Variants in DNAAF2 observed in about 807,000 individuals in gnomAD.
DNAAF2 encodes the protein dynein axonemal assembly factor 2.
DNAAF2 carries 58 observed loss-of-function variants against 48.8 expected under a neutral mutation model. That is an observed-to-expected ratio of 1.19 (90% confidence interval 0.96 to 1.48). The LOEUF is 1.48. Ranked by LOEUF, DNAAF2 falls within the 40% of genes most tolerant of loss-of-function variation. The pLI, the probability that DNAAF2 is intolerant of heterozygous loss-of-function variation, is 0.00. For synonymous variants in DNAAF2, 567 were observed against 481.2 expected, an observed-to-expected ratio of 1.18 and a Z score of -2.33; for missense variants, 1,241 against 1,116.1, an observed-to-expected ratio of 1.11 and a Z score of -1.59.
chr14:49,630,669 C>CACACACACACACACACA (rs1555327684), intron 1 of DNAAF2, among the ~76,000 whole-genome samples: 5 of 132,486 alleles, frequency 3.8e-5, no homozygotes, highest in Non-Finnish European at 7.9e-5. Context: ...AACTCTCTCT[C>CACACACACACACACACA]CACACACACA....
rs917500763 is a variant in DNAAF2, at chr14:49,633,467, G to A, written c.1683C>T (p.Phe561=). The A allele has an allele frequency of 6.2e-7, 1 of 1,614,074 alleles. No homozygotes were observed. Among genetic ancestry groups the A allele is most frequent in the Non-Finnish European group, 8.5e-7 (1 of 1,179,902 alleles). The part of the protein sequence containing the change: ...DLNPLWYKLR[F]SAQDLVYSFF... ...AGGAATAAACTAAGTCTTGTGCGGA[G>A]AAGCGTAATTTGTACCAGAGGGGAT... The change falls in exon 1 of 3, where the codon TTC becomes TTT. Residue 561 remains phenylalanine, a synonymous_variant. Transcript: ENST00000298292.
At chr14:49,626,781 G>A (rs368540832) in intron 2 of DNAAF2, among the ~76,000 whole-genome samples, 6 of 132,488 alleles carry the variant, frequency 4.5e-5, no homozygotes, top group South Asian at 2.4e-4. Flanking sequence ...GAGCCATCAC[G>A]ACTAGTCTGC....
In DNAAF2 at chr14:49,625,734, TACTG is replaced by T. The variant is rs1446229004; in HGVS notation, c.2318_2321del (p.Ser773Ter). The T allele has an allele frequency of 6.2e-7, 1 of 1,613,436 alleles. No individual in the cohort carries two copies. The highest frequency in any genetic ancestry group is 8.5e-7 in the Non-Finnish European group (1 of 1,179,614). ...CATCTGTTTCTTTCTCTTCAGTTAT[TACTG>T]ACTCGTTTAAGTTATCTTTTTCCTC... On this transcript the variant is annotated frameshift_variant, in exon 3 of 3. Transcript: ENST00000298292. LOFTEE classifies it high-confidence loss of function.
At chr14:49,628,189 T>A (rs1351857804) in intron 1 of DNAAF2, 34 bp from the exon 2 acceptor site, 2 of 1,535,906 alleles carry the variant, frequency 1.3e-6, no homozygotes, top group Admixed American at 3.9e-5. Context: ...TTCTGCCTAA[T>A]AAGTCCCACT....
intron 1 of DNAAF2, 21 bp from the exon 2 acceptor site, chr14:49,628,176 A>G (rs1166073210): frequency 5.8e-6 from 9 of 1,556,398 alleles, no homozygotes; most frequent in Non-Finnish European, 7.8e-6. Context: ...AAGGGAAAAA[A>G]TATTCTGCCT....
At position 49,626,132 on chromosome 14, in the gene DNAAF2, A is replaced by C. The variant is rs540554512; in HGVS notation, c.2008-84T>G. 1.6e-4 allele frequency: 185 copies of C among 1,191,260 alleles called. No homozygotes were observed. The African/African-American group carries it at 2.4e-3, about 15-fold the overall frequency. The allele number at this position is 1,191,260 out of a possible 1,614,324, so 73.8% of individuals were successfully genotyped here. ...ACTACCCTCTGGAAATAAAATTTTT[A>C]ACAGTTGTGAGGTAATAGCCCTTAC... On this transcript the variant is annotated intron_variant, in intron 2 of 2. Transcript: ENST00000298292.
intron 1 of DNAAF2, among the ~76,000 whole-genome samples, chr14:49,631,954 C>T (rs1431330116): frequency 2.0e-5 from 3 of 152,114 alleles, no homozygotes; most frequent in Non-Finnish European, 2.9e-5. Flanking sequence ...TGCTGTTGTT[C>T]CATCAGCTTT....
chr14:49,633,535 G>A lies in DNAAF2; in HGVS notation c.1615C>T (p.Gln539Ter). 6 of 1,614,048 alleles carry A rather than the reference G, an allele frequency of 3.7e-6. No homozygotes were observed. The highest frequency in any genetic ancestry group is 4.2e-6 in the Non-Finnish European group (5 of 1,179,900). ...CTTTGCGGCTGGATCCGAGGCACCTGAATGAGCAGAGTCAAGGTTTCTTTG... is the reference window on the plus strand; with the variant it reads ...CTTTGCGGCTGGATCCGAGGCACCTAAATGAGCAGAGTCAAGGTTTCTTTG... ...QDKETLTLLI[Q>*]VPRIQPQSLQ... Residue 539 changes from glutamine (Q) to a stop codon, truncating the protein, a stop_gained, in exon 1 of 3, where the codon CAG becomes TAG. Coordinates refer to ENST00000298292, the MANE Select transcript of DNAAF2 (RefSeq NM_018139.3). LOFTEE classifies it high-confidence loss of function.
At chr14:49,630,001 G>A (rs1375619146) in intron 1 of DNAAF2, 1 of 152,132 alleles carries the variant, frequency 6.6e-6, no homozygotes, top group African/African-American at 2.4e-5. Context: ...GGAGGCCAAG[G>A]CAGGTGGATT....
chr14:49,627,862 A>G, intron 2 of DNAAF2, 150 bp downstream of exon 2: 4 of 846,638 alleles, frequency 4.7e-6, no homozygotes, highest in Non-Finnish European at 6.8e-6. Flanking sequence ...CTCAAAAAAA[A>G]AAAAAAGAAA....
At chr14:49,628,340 G>A (rs936234734) in intron 1 of DNAAF2, among the ~76,000 whole-genome samples, 185 bp from the exon 2 acceptor site, 1 of 152,142 alleles carries the variant, frequency 6.6e-6, no homozygotes, top group South Asian at 2.1e-4. Context: ...AGCAATAAGA[G>A]TTGTACTGAG....
rs543833643 is a variant in DNAAF2 at position 49,625,956 on chromosome 14, A to G, written c.2100T>C (p.His700=). Residue 700 remains histidine (H), a synonymous_variant, in exon 3 of 3, where the codon CAT becomes CAC. Transcript: ENST00000298292. ...CAGAATCAGTTGTAGGGGTGTTACA[A>G]TGTTCTATATATTCCTTTTCAGTTA... ...SHLTEKEYIE[H]CNTPTTDSDS... is the part of the protein sequence containing the mutation. The G allele has an allele frequency of 6.2e-7, 1 of 1,610,950 alleles. No homozygotes were observed. Among genetic ancestry groups the G allele is most frequent in the African/African-American group, 1.3e-5 (1 of 74,946 alleles).
In DNAAF2 at chr14:49,633,922, A is replaced by C. The variant is rs746189091; in HGVS notation, c.1228T>G (p.Ser410Ala). Residue 410 changes from serine (S) to alanine (A), a missense_variant, in exon 1 of 3, where the codon TCC becomes GCC. Ser to Ala is a moderately conservative substitution (Grantham distance 99). Coordinates refer to ENST00000298292, the MANE Select transcript of DNAAF2 (RefSeq NM_018139.3). ...GGGTCGCCCAGGGTGGTGACCCCGG[A>C]GCCCGCAGCCCCAGCCACGCAGGTA... is the stretch of plus-strand genomic sequence containing the variant. ...HDTCVAGAAG[S>A]GVTTLGDPEV... 1 of 1,531,390 alleles carries C rather than the reference A, an allele frequency of 6.5e-7. No individual in the cohort carries two copies. The highest frequency in any genetic ancestry group is 2.5e-5 in the East Asian group (1 of 40,754). 94.9% of individuals were successfully genotyped at this position (1,531,390 alleles called of 1,614,324 possible).
intron 1 of DNAAF2, chr14:49,629,989 T>C (rs190000942): frequency 6.6e-6 from 1 of 152,186 alleles, no homozygotes; most frequent in East Asian, 1.9e-4. Flanking sequence ...TCCAGCACTT[T>C]AGGAGGCCAA....
In DNAAF2 at chr14:49,634,923, T is replaced by G. The variant is rs1883301063; in HGVS notation, c.227A>C (p.His76Pro). 6.4e-7 allele frequency: 1 copy of G among 1,553,558 alleles called. No homozygotes were observed. The highest frequency in any genetic ancestry group is 8.7e-7 in the Non-Finnish European group (1 of 1,148,440). The change falls in exon 1 of 3, where the codon CAT (histidine) becomes CCT (proline). Residue 76 changes from histidine (H) to proline (P), a missense_variant. Physicochemically the swap from His to Pro is moderately conservative, Grantham distance 77. Coordinates refer to ENST00000298292, the MANE Select transcript of DNAAF2 (RefSeq NM_018139.3). ...CCCGTCCAGGCTGGTGCGCAGCACATGGCCGGGCTCCGGGTGCACGAACCG... is the reference window on the plus strand; with the variant it reads ...CCCGTCCAGGCTGGTGCGCAGCACAGGGCCGGGCTCCGGGTGCACGAACCG... ...EVRFVHPEPGHVLRTSLDGAR... is the reference protein window; with the variant it reads ...EVRFVHPEPGPVLRTSLDGAR...
Position 49,634,193 on chromosome 14 carries a change from C to CAGTGACGGGAG in DNAAF2, c.956_957insCTCCCGTCACT (p.Leu320SerfsTer125), listed in dbSNP as rs1883261282. ...CGTCCACTGGGTACGGGAGCGAGAGCCGCAGCCGGTAGTCAGGTTTCCTCG... is the reference window on the plus strand; with the variant it reads ...CGTCCACTGGGTACGGGAGCGAGAGCAGTGACGGGAGCGCAGCCGGTAGTCAGGTTTCCTCG... On this transcript the variant is annotated frameshift_variant, in exon 1 of 3. Transcript: ENST00000298292. LOFTEE classifies it high-confidence loss of function. 6.2e-7 allele frequency: 1 copy of CAGTGACGGGAG among 1,611,114 alleles called. No homozygotes were observed. Among genetic ancestry groups the CAGTGACGGGAG allele is most frequent in the African/African-American group, 1.3e-5 (1 of 75,044 alleles).
In DNAAF2 at chr14:49,633,668, T is replaced by C. The variant is rs2985687; in HGVS notation, c.1482A>G (p.Thr494=). The C allele has an allele frequency of 0.71, 1,148,465 of 1,610,450 alleles. 423,723 individuals carry two copies. Among genetic ancestry groups the C allele is most frequent in the Non-Finnish European group, 0.77 (902,495 of 1,177,892 alleles). The change falls in exon 1 of 3, where the codon ACA becomes ACG. Residue 494 remains threonine (T), a synonymous_variant. Coordinates refer to ENST00000298292, the MANE Select transcript of DNAAF2 (RefSeq NM_018139.3). Reference sequence around the variant, plus strand: ...CGCCCGTGCCCTCCGACTCCTCGCGTGTTTCCACACTGCTATCTCCGCGCG... The same window carrying C: ...CGCCCGTGCCCTCCGACTCCTCGCGCGTTTCCACACTGCTATCTCCGCGCG... The part of the protein sequence containing the change: ...ESARGDSSVE[T]REESEGTGGQ...
chr14:49,633,800 G>C lies in DNAAF2; in HGVS notation c.1350C>G (p.Ser450Arg). 6.3e-7 allele frequency: 1 copy of C among 1,589,400 alleles called. No individual in the cohort carries two copies. Among genetic ancestry groups the C allele is most frequent in the Non-Finnish European group, 8.5e-7 (1 of 1,174,772 alleles). ...LSRHAGSPPG[S>R]VEEPSPGGEN... ...CTCCTCCAGGAGATGGCTCCTCCAC[G>C]CTGCCCGGCGGTGACCCCGCGTGCC... is the stretch of plus-strand genomic sequence containing the variant. The change falls in exon 1 of 3, where the codon AGC becomes AGG. Residue 450 changes from serine to arginine, a missense_variant. By Grantham distance (110) the Ser-to-Arg change is moderately radical. Coordinates refer to ENST00000298292, the MANE Select transcript of DNAAF2 (RefSeq NM_018139.3).
At chr14:49,628,180 T>A in intron 1 of DNAAF2, 25 bp from the exon 2 acceptor site, 1 of 1,555,050 alleles carries the variant, frequency 6.4e-7, no homozygotes. Flanking sequence ...GAAAAAATAT[T>A]CTGCCTAATA....
Sources: allele counts gnomAD v4.1 joint callset (sites outside exome capture counted in the v4.1 genomes callset), GRCh38; gene constraint gnomAD v4.1.1; transcripts MANE v1.5; gene names NCBI Gene and HGNC (gene_info 2026-07-23, HGNC 2026-07-21).